The following PLXDC2 variants were observed in gnomAD, a reference collection of about 807,000 sequenced individuals.
PLXDC2 encodes the protein plexin domain-containing protein 2.
In PLXDC2, 40 loss-of-function variants were observed where a neutral mutation model predicts 68.9. The ratio of observed to expected loss-of-function variants is 0.58; its 90% CI spans 0.45 to 0.76. The LOEUF is 0.76. PLXDC2 is among the 30% of genes least tolerant of loss of function. PLXDC2 has a pLI of 0.00. For synonymous variants in PLXDC2, 243 were observed against 234.2 expected, an observed-to-expected ratio of 1.04 and a Z score of -0.34; for missense variants, 644 against 661.9, an observed-to-expected ratio of 0.97 and a Z score of 0.30.
intron 1 of PLXDC2, among the ~76,000 whole-genome samples, chr10:19,932,913 G>A (rs191579093): frequency 3.9e-5 from 6 of 152,310 alleles, no homozygotes; most frequent in Non-Finnish European, 7.3e-5. Context: ...GAGAACAGGG[G>A]ACGGGATTTG....
At chr10:20,125,512 C>T (rs2131767676) in intron 4 of PLXDC2, among the ~76,000 whole-genome samples, 1 of 152,164 alleles carries the variant, frequency 6.6e-6, no homozygotes, top group East Asian at 1.9e-4. Flanking sequence ...AAAATGTAGG[C>T]ACGATCACAA....
rs375367532 is a variant in PLXDC2, at chr10:20,002,814, C to A, written c.324+828C>A. ...GGGGCATGCTAGGCAGAGTAAATTT[C>A]CTCTGCAGTGGCTGAGGTGTAGAAT... is the stretch of plus-strand genomic sequence containing the variant. On this transcript the variant is annotated intron_variant, in intron 2 of 13. Coordinates refer to ENST00000377252, the MANE Select transcript of PLXDC2 (RefSeq NM_032812.9). 4.6e-5 allele frequency among the ~76,000 whole-genome samples: 7 copies of A among 152,202 alleles called. No homozygotes were observed. The East Asian group carries it at 7.8e-4, about 17-fold the overall frequency.
chr10:20,233,966 A>G (rs2778986), intron 12 of PLXDC2, among the ~76,000 whole-genome samples: 132,617 of 151,838 alleles, frequency 0.87, 58,362 homozygotes, highest in Middle Eastern at 0.95. Context: ...GACTACAGTT[A>G]TGCATCCCCA....
intron 4 of PLXDC2, among the ~76,000 whole-genome samples, chr10:20,132,031 T>G (rs571346683): frequency 1.6e-4 from 25 of 152,306 alleles, no homozygotes; most frequent in African/African-American, 6.0e-4. Flanking sequence ...CCATAAAATT[T>G]GGAAAGTTAT....
chr10:20,264,423 A>C (rs561870531), intron 13 of PLXDC2, among the ~76,000 whole-genome samples: 36 of 152,298 alleles, frequency 2.4e-4, no homozygotes, highest in Non-Finnish European at 4.3e-4. Context: ...ACATGTGTTT[A>C]TCTGTGTAAC....
intron 2 of PLXDC2, among the ~76,000 whole-genome samples, chr10:20,042,183 T>G (rs1190384736): frequency 6.6e-6 from 1 of 152,192 alleles, no homozygotes. Flanking sequence ...CTGTAATTCT[T>G]TACCTGACTA....
intron 1 of PLXDC2, among the ~76,000 whole-genome samples, chr10:19,885,480 G>A (rs1462199183): frequency 1.3e-5 from 2 of 152,140 alleles, no homozygotes; most frequent in African/African-American, 4.8e-5. Context: ...GGTTTTTATG[G>A]TTTTAGGTCT....
At chr10:19,996,633 G>A (rs1465403194) in intron 1 of PLXDC2, among the ~76,000 whole-genome samples, 2 of 152,134 alleles carry the variant, frequency 1.3e-5, no homozygotes, top group African/African-American at 4.8e-5. Flanking sequence ...GGAGACAAAA[G>A]ATGATGGAAA....
intron 1 of PLXDC2, among the ~76,000 whole-genome samples, chr10:19,845,726 T>G (rs1447116391): frequency 6.6e-6 from 1 of 152,234 alleles, no homozygotes; most frequent in Non-Finnish European, 1.5e-5. Flanking sequence ...AGGGCAGTTT[T>G]GCAGTTCTAT....
chr10:20,189,880 G>A (rs140064105), intron 9 of PLXDC2, among the ~76,000 whole-genome samples: 4 of 151,710 alleles, frequency 2.6e-5, no homozygotes, highest in African/African-American at 4.8e-5. Context: ...AATGAGGGAC[G>A]TGGATAAAGA....
chr10:20,062,681 T>A (rs1454205956), intron 3 of PLXDC2, among the ~76,000 whole-genome samples: 1 of 152,148 alleles, frequency 6.6e-6, no homozygotes, highest in East Asian at 1.9e-4. Flanking sequence ...TAATCTATTC[T>A]AAGCATTTAT....
intron 1 of PLXDC2, among the ~76,000 whole-genome samples, chr10:19,834,137 A>C: frequency 6.6e-6 from 1 of 152,158 alleles, no homozygotes; most frequent in East Asian, 1.9e-4. Flanking sequence ...GGTTTAGTTA[A>C]TATATCTTGG....
chr10:20,011,808 A>T (rs1473143090), intron 2 of PLXDC2, among the ~76,000 whole-genome samples: 1 of 152,168 alleles, frequency 6.6e-6, no homozygotes, highest in Non-Finnish European at 1.5e-5. Context: ...TTCCATGAAG[A>T]TCTGTAGTAT....
chr10:20,084,448 C>T (rs1048822278), intron 4 of PLXDC2, among the ~76,000 whole-genome samples: 1 of 152,138 alleles, frequency 6.6e-6, no homozygotes, highest in Non-Finnish European at 1.5e-5. Flanking sequence ...CCTGAAGCCA[C>T]AGTGGGGAGT....
chr10:19,979,608 G>A (rs775670430), intron 1 of PLXDC2, among the ~76,000 whole-genome samples: 1 of 152,156 alleles, frequency 6.6e-6, no homozygotes, highest in Non-Finnish European at 1.5e-5. Flanking sequence ...CTGAACTCAA[G>A]TAATCCACCT....
rs115257247 is a variant in PLXDC2, at chr10:20,035,250, A to G, written c.325-11619A>G. On this transcript the variant is annotated intron_variant, in intron 2 of 13. Transcript: ENST00000377252. ...CAAACCTCCTAGAAAAATTCCATTT[A>G]CAGCTGATTAATTGCTTGTTAATCA... Among the ~76,000 whole-genome samples, 297 of 152,330 alleles carry G rather than the reference A, an allele frequency of 1.9e-3. 1 individual carries two copies. Among genetic ancestry groups the G allele is most frequent in the African/African-American group, 7.0e-3 (291 of 41,578 alleles).
At chr10:20,110,776 C>T (rs1454354154) in intron 4 of PLXDC2, among the ~76,000 whole-genome samples, 1 of 152,186 alleles carries the variant, frequency 6.6e-6, no homozygotes. Context: ...TTCTATTTTT[C>T]TCCCAGTTTT....
At chr10:19,863,713 C>T (rs1445654469) in intron 1 of PLXDC2, among the ~76,000 whole-genome samples, 2 of 152,130 alleles carry the variant, frequency 1.3e-5, no homozygotes, top group African/African-American at 4.8e-5. Context: ...AATTAACAAG[C>T]ATTTTTTTAT....
At chr10:20,155,538 G>A (rs1834206049) in intron 6 of PLXDC2, among the ~76,000 whole-genome samples, 1 of 151,992 alleles carries the variant, frequency 6.6e-6, no homozygotes, top group Admixed American at 6.6e-5. Context: ...CTGATTAAAA[G>A]CTCTCAAGAA....
Sources: gnomAD v4.1 joint callset for allele counts (sites outside exome capture counted in the v4.1 genomes callset) on GRCh38, gnomAD v4.1.1 for gene constraint, MANE v1.5 for transcripts, NCBI Gene and HGNC (gene_info 2026-07-23, HGNC 2026-07-21) for gene names.